Variants in ACMSD observed in about 807,000 individuals in gnomAD.
ACMSD encodes 2-amino-3-carboxymuconate-6-semialdehyde decarboxylase.
Under a neutral mutation model 45.9 loss-of-function variants are expected in ACMSD, and 37 were observed. The observed-to-expected ratio is 0.81, with a 90% CI of 0.62 to 1.06. The LOEUF is 1.06. Ranked by LOEUF, ACMSD falls within the 50% of genes least tolerant of loss-of-function variation. ACMSD has a pLI of 0.00. For synonymous variants in ACMSD, 138 were observed against 148.8 expected (o/e 0.93, Z 0.53); for missense variants, 434 against 420.9 (o/e 1.03, Z -0.27).
intron 8 of ACMSD, among the ~76,000 whole-genome samples, chr2:134,889,396 T>G (rs1689646392): frequency 6.6e-6 from 1 of 152,096 alleles, no homozygotes; most frequent in Non-Finnish European, 1.5e-5. Context: ...AAAGGCTGTT[T>G]CCAAGACAGA....
rs766643624 is a variant in ACMSD at position 134,871,002 on chromosome 2, G to C, written c.618G>C (p.Met206Ile). ...PAETTIAICS[M>I]IMGGVFEKFP... is the part of the protein sequence containing the mutation. ...AGACCACCATAGCCATTTGCTCCAT[G>C]ATCATGGGTGGAGTATTTGAGAAGT... Residue 206 changes from methionine to isoleucine, a missense_variant, in exon 7 of 10, where the codon ATG becomes ATC. Met to Ile is a conservative substitution (Grantham distance 10). Transcript: ENST00000356140. 3 of 1,614,116 alleles carry C rather than the reference G, an allele frequency of 1.9e-6. No individual in the cohort carries two copies. In the South Asian group the frequency reaches 3.3e-5, roughly 18 times the overall value.
intron 2 of ACMSD, among the ~76,000 whole-genome samples, chr2:134,849,824 G>A (rs1049562497): frequency 1.2e-4 from 18 of 152,248 alleles, no homozygotes; most frequent in African/African-American, 4.3e-4. Context: ...TGGGGTGGGA[G>A]CAGAATTGTG....
rs143253527 is a variant in ACMSD, at chr2:134,899,303, T to C, written c.948+864T>C. 3.0e-4 allele frequency among the ~76,000 whole-genome samples: 45 copies of C among 152,220 alleles called. No individual in the cohort carries two copies. The East Asian group carries it at 8.3e-3, about 28-fold the overall frequency. On this transcript the variant is annotated intron_variant, in intron 9 of 9. Transcript: ENST00000356140. ...TACATTAACAGATGCCAAGAAAAAT[T>C]CATTCTTCAGTATACTAGTTACAAG...
chr2:134,866,548 C>G (rs968066077), intron 5 of ACMSD, among the ~76,000 whole-genome samples: 2 of 152,224 alleles, frequency 1.3e-5, no homozygotes, highest in African/African-American at 4.8e-5. Context: ...TTACCCTTTT[C>G]CTGACACTTC....
rs1164592566 is a variant in ACMSD, at chr2:134,847,395, TACAGATAGATAGATAGATAGATAG to T, written c.102+2120_102+2143del. On this transcript the variant is annotated intron_variant, in intron 2 of 9. Transcript: ENST00000356140. ...GAACCACTAAAGAGTTTTTTGGGGA[TACAGATAGATAGATAGATAGATAG>T]ATAGATAGATAGATAGATAGATAGA... Among the ~76,000 whole-genome samples, 269 of 143,240 alleles carry T rather than the reference TACAGATAGATAGATAGATAGATAG, an allele frequency of 1.9e-3. 1 individual carries two copies. The highest frequency in any genetic ancestry group is 6.0e-3 in the African/African-American group (233 of 38,836). 94.0% of individuals were successfully genotyped at this position (143,240 alleles called of 152,430 possible). A position where few individuals can be genotyped will look rare whatever the true frequency, so the allele number is the denominator to read the frequency against.
chr2:134,873,996 T>C (rs941054746), intron 8 of ACMSD, among the ~76,000 whole-genome samples: 1 of 152,164 alleles, frequency 6.6e-6, no homozygotes, highest in Non-Finnish European at 1.5e-5. Flanking sequence ...TTCTTGGAAA[T>C]TGAAAACACC....
intron 8 of ACMSD, among the ~76,000 whole-genome samples, chr2:134,888,283 T>G (rs962782055): frequency 2.0e-5 from 3 of 152,174 alleles, no homozygotes; most frequent in African/African-American, 7.2e-5. Flanking sequence ...CTCAACATCA[T>G]TAGTTCATCA....
chr2:134,856,799 C>T lies in ACMSD; in HGVS notation c.103-2462C>T, dbSNP rs1489208624. On this transcript the variant is annotated intron_variant, in intron 2 of 9. Transcript: ENST00000356140. ...TAAACTGTCTCTCTACTCTGTTGAT[C>T]GTTTCCTTTACTGTGCAAAAGGTTT... 4.6e-5 allele frequency among the ~76,000 whole-genome samples: 7 copies of T among 152,250 alleles called. No homozygotes were observed. The East Asian group carries it at 7.7e-4, about 17-fold the overall frequency.
rs184785690 is a variant in ACMSD, at chr2:134,873,598, A to C, written c.849+957A>C. ...GGCCCATCATTTGAAAGTTGCAAGT[A>C]GTGGTTTATCTCCAGAATGGACACT... On this transcript the variant is annotated intron_variant, in intron 8 of 9. Transcript: ENST00000356140. 3.9e-5 allele frequency: 6 copies of C among 152,348 alleles called. No individual in the cohort carries two copies. In the East Asian group the frequency reaches 1.2e-3, roughly 29 times the overall value. 9.4% of individuals were successfully genotyped at this position (152,348 alleles called of 1,614,324 possible). A position where few individuals can be genotyped will look rare whatever the true frequency, so the allele number is the denominator to read the frequency against.
At chr2:134,877,116 T>C (rs537811960) in intron 8 of ACMSD, among the ~76,000 whole-genome samples, 1 of 152,314 alleles carries the variant, frequency 6.6e-6, no homozygotes, top group East Asian at 1.9e-4. Flanking sequence ...GATAGGTTTG[T>C]TTACACCAGC....
intron 6 of ACMSD, among the ~76,000 whole-genome samples, chr2:134,869,305 C>T (rs1445418023): frequency 3.3e-5 from 5 of 151,940 alleles, no homozygotes; most frequent in African/African-American, 7.3e-5. Context: ...CTCTGCCTCC[C>T]GGGTTCAAGT....
At chr2:134,859,467 C>T (rs1414734154) in intron 3 of ACMSD, 110 bp downstream of exon 3, 5 of 981,808 alleles carry the variant, frequency 5.1e-6, no homozygotes, top group Admixed American at 2.1e-5. Flanking sequence ...CTTTTCTCTG[C>T]CAGGACAGGC....
chr2:134,853,781 TCTACCGACTTG>T (rs2104835204), intron 2 of ACMSD, among the ~76,000 whole-genome samples: 1 of 152,272 alleles, frequency 6.6e-6, no homozygotes, highest in African/African-American at 2.4e-5. Context: ...CAGAAAGAGT[TCTACCGACTTG>T]CTACCGTTCA....
At chr2:134,848,430 C>T (rs1687182370) in intron 2 of ACMSD, among the ~76,000 whole-genome samples, 1 of 152,210 alleles carries the variant, frequency 6.6e-6, no homozygotes, top group Non-Finnish European at 1.5e-5. Context: ...TCCACATCCT[C>T]TCCAGCATCT....
Position 134,873,989 on chromosome 2 carries a change from T to C in ACMSD, c.849+1348T>C, listed in dbSNP as rs118188796. ...GCCTAGTACCTCCTTACTAGTATTCTTGGAAATTGAAAACACCAGGAGAAA... is the reference window on the plus strand; with the variant it reads ...GCCTAGTACCTCCTTACTAGTATTCCTGGAAATTGAAAACACCAGGAGAAA... On this transcript the variant is annotated intron_variant, in intron 8 of 9. Coordinates refer to ENST00000356140, the MANE Select transcript of ACMSD (RefSeq NM_138326.3). 5.9e-5 allele frequency among the ~76,000 whole-genome samples: 9 copies of C among 152,312 alleles called. No individual in the cohort carries two copies. In the East Asian group the frequency reaches 1.5e-3, roughly 26 times the overall value.
chr2:134,841,964 C>T (rs1686825030), intron 1 of ACMSD, among the ~76,000 whole-genome samples: 1 of 152,174 alleles, frequency 6.6e-6, no homozygotes, highest in Non-Finnish European at 1.5e-5. Context: ...CATTATTCAC[C>T]TCATGGAGGT....
chr2:134,856,659 CCT>C (rs199924095), intron 2 of ACMSD, among the ~76,000 whole-genome samples: 3,707 of 152,228 alleles, frequency 0.024, 84 homozygotes, highest in Middle Eastern at 0.12. Flanking sequence ...GTCCTTTGCC[CCT>C]TTTTTCACCC....
intron 8 of ACMSD, among the ~76,000 whole-genome samples, chr2:134,889,915 G>T (rs1053758092): frequency 6.6e-6 from 1 of 151,898 alleles, no homozygotes; most frequent in Non-Finnish European, 1.5e-5. Flanking sequence ...TAAATAAAAA[G>T]AATGAATATA....
chr2:134,891,122 A>G (rs969225759), intron 8 of ACMSD, among the ~76,000 whole-genome samples: 1 of 152,088 alleles, frequency 6.6e-6, no homozygotes, highest in African/African-American at 2.4e-5. Context: ...TTTGCTGTGC[A>G]GAAGCTATTT....
Sources: gnomAD v4.1 joint callset for allele counts (sites outside exome capture counted in the v4.1 genomes callset) on GRCh38, gnomAD v4.1.1 for gene constraint, MANE v1.5 for transcripts, NCBI Gene and HGNC (gene_info 2026-07-23, HGNC 2026-07-21) for gene names.